HMGN3: variants seen among roughly 807,000 people sequenced by gnomAD.
The protein encoded by HMGN3 is high mobility group nucleosomal binding domain 3.
In HMGN3, 6 loss-of-function variants were observed where a neutral mutation model predicts 18.8. The observed-to-expected ratio is 0.32, with a 90% CI of 0.18 to 0.63. The LOEUF is 0.63. Ranked by LOEUF, HMGN3 falls within the 30% of genes least tolerant of loss-of-function variation. HMGN3 has a pLI of 0.79. For missense variants in HMGN3, 107 were observed against 114.2 expected, an observed-to-expected ratio of 0.94 and a Z score of 0.29; for synonymous variants, 40 against 36.5, an observed-to-expected ratio of 1.10 and a Z score of -0.35.
Position 79,234,539 on chromosome 6 carries a change from G to C in HMGN3, c.15+7C>G. 6.2e-7 allele frequency: 1 copy of C among 1,611,604 alleles called. No homozygotes were observed. The highest frequency in any genetic ancestry group is 8.5e-7 in the Non-Finnish European group (1 of 1,178,168). Reference sequence around the variant, plus strand: ...GGCTTTTGAAATCTTTTTTTGGTAAGACTTACCTTTCTCTTCGGCATAATG... The same window carrying C: ...GGCTTTTGAAATCTTTTTTTGGTAACACTTACCTTTCTCTTCGGCATAATG... On this transcript the variant is annotated splice_region_variant and intron_variant, in intron 1 of 5. Coordinates refer to ENST00000344726, the Ensembl canonical transcript of HMGN3.
At chr6:79,201,699 C>G in exon 6 of HMGN3, 1 of 1,595,240 alleles carries the variant, frequency 6.3e-7, no homozygotes. Context: ...CATTCTCCCT[C>G]GTTATCTACA....
chr6:79,204,222 C>T (rs1776291755), intron 3 of HMGN3, among the ~76,000 whole-genome samples: 1 of 152,212 alleles, frequency 6.6e-6, no homozygotes, highest in Non-Finnish European at 1.5e-5. Context: ...ATGCTGGGCT[C>T]ATTTGTGTCT....
chr6:79,203,151 C>T (rs568595496), intron 4 of HMGN3, among the ~76,000 whole-genome samples: 15 of 152,236 alleles, frequency 9.9e-5, no homozygotes, highest in Non-Finnish European at 2.2e-4. Flanking sequence ...CTTATAAATG[C>T]CAATATTACC....
At chr6:79,223,276 T>A (rs567904405) in intron 1 of HMGN3, among the ~76,000 whole-genome samples, 6 of 151,904 alleles carry the variant, frequency 3.9e-5, no homozygotes, top group Admixed American at 3.3e-4. Context: ...CTTTGGGAGG[T>A]CGAGGCAGGC....
intron 1 of HMGN3, among the ~76,000 whole-genome samples, chr6:79,219,036 G>A (rs1253657165): frequency 7.2e-5 from 11 of 152,176 alleles, no homozygotes; most frequent in Admixed American, 6.5e-4. Flanking sequence ...CAGAAGCAGA[G>A]AAAGAGGTAT....
intron 1 of HMGN3, among the ~76,000 whole-genome samples, chr6:79,221,039 T>C (rs974439278): frequency 3.9e-5 from 6 of 152,220 alleles, no homozygotes; most frequent in African/African-American, 1.2e-4. Context: ...TGGATTTCTC[T>C]GTATTTATGT....
At chr6:79,203,534 T>C in intron 4 of HMGN3, 46 bp downstream of exon 4, 1 of 1,432,578 alleles carries the variant, frequency 7.0e-7, no homozygotes, top group African/African-American at 1.4e-5. Context: ...GAATTATAAT[T>C]TATTCATTGT....
chr6:79,229,856 C>T (rs916454726), intron 1 of HMGN3, among the ~76,000 whole-genome samples: 1 of 151,826 alleles, frequency 6.6e-6, no homozygotes, highest in East Asian at 1.9e-4. Flanking sequence ...CCAGCCTGGG[C>T]GACTGAGCCA....
At position 79,202,061 on chromosome 6, in the gene HMGN3, A is replaced by G; in HGVS notation, c.261+215T>C. The G allele has an allele frequency of 6.5e-7, 1 of 1,536,418 alleles. No homozygotes were observed. Among genetic ancestry groups the G allele is most frequent in the Non-Finnish European group, 8.7e-7 (1 of 1,146,874 alleles). On this transcript the variant is annotated intron_variant, in intron 5 of 5. Transcript: ENST00000344726. ...TGCAGAATTTTCTACTGTACCCTTA[A>G]CTCTCACTGTTTCAATCTGCCCCTT...
intron 1 of HMGN3, among the ~76,000 whole-genome samples, chr6:79,233,393 A>G (rs1777955795): frequency 6.6e-6 from 1 of 152,218 alleles, no homozygotes; most frequent in Non-Finnish European, 1.5e-5. Context: ...TTGAATTTTT[A>G]AAACTTCAGT....
intron 1 of HMGN3, among the ~76,000 whole-genome samples, chr6:79,231,735 T>C (rs1202323052): frequency 6.6e-6 from 1 of 152,260 alleles, no homozygotes; most frequent in East Asian, 1.9e-4. Context: ...CTTTGTATAT[T>C]TGAGTCCTAC....
chr6:79,217,004 T>C (rs1214387194), intron 1 of HMGN3, among the ~76,000 whole-genome samples: 2 of 152,210 alleles, frequency 1.3e-5, no homozygotes, highest in African/African-American at 4.8e-5. Flanking sequence ...TTCTATGCAG[T>C]GGATTAGTGA....
chr6:79,229,765 C>T (rs935087062), intron 1 of HMGN3, among the ~76,000 whole-genome samples: 1 of 152,018 alleles, frequency 6.6e-6, no homozygotes, highest in Non-Finnish European at 1.5e-5. Flanking sequence ...GTAGTCCCAG[C>T]TACTCGGGAG....
chr6:79,203,302 G>A (rs897890909), intron 4 of HMGN3, among the ~76,000 whole-genome samples: 5 of 152,140 alleles, frequency 3.3e-5, no homozygotes, highest in African/African-American at 1.2e-4. Flanking sequence ...GCTGTGTGCC[G>A]CATGAACCGC....
At chr6:79,210,873 T>C (rs1465192960) in intron 2 of HMGN3, among the ~76,000 whole-genome samples, 1 of 152,076 alleles carries the variant, frequency 6.6e-6, no homozygotes, top group Non-Finnish European at 1.5e-5. Context: ...AGAGAGCTCT[T>C]TGGGATTTCC....
chr6:79,220,541 G>T (rs1423252319), intron 1 of HMGN3, among the ~76,000 whole-genome samples: 1 of 152,154 alleles, frequency 6.6e-6, no homozygotes, highest in Non-Finnish European at 1.5e-5. Context: ...CCACCTCCTG[G>T]GTTCAAGCGA....
At chr6:79,224,791 A>G (rs1443059867) in intron 1 of HMGN3, among the ~76,000 whole-genome samples, 1 of 152,232 alleles carries the variant, frequency 6.6e-6, no homozygotes, top group Non-Finnish European at 1.5e-5. Flanking sequence ...CTGTATTGTT[A>G]TAACAGGGCT....
chr6:79,213,532 A>C (rs1469250573), intron 2 of HMGN3, among the ~76,000 whole-genome samples: 1 of 152,198 alleles, frequency 6.6e-6, no homozygotes, highest in African/African-American at 2.4e-5. Flanking sequence ...TCTAAAAATC[A>C]CATTTTGCCA....
chr6:79,234,623 G>T, exon 1 of HMGN3: 1 of 1,557,960 alleles, frequency 6.4e-7, no homozygotes, highest in Non-Finnish European at 8.8e-7. Flanking sequence ...GCCGCCGCTG[G>T]ATGCTGCCTC....
Sources: allele counts gnomAD v4.1 joint callset (sites outside exome capture counted in the v4.1 genomes callset), GRCh38; gene constraint gnomAD v4.1.1; transcripts MANE v1.5; gene names NCBI Gene and HGNC (gene_info 2026-07-23, HGNC 2026-07-21).